HECTD4: variants seen among roughly 807,000 people sequenced by gnomAD.
HECTD4 encodes probable E3 ubiquitin-protein ligase HECTD4.
A neutral mutation model predicts 471.5 loss-of-function variants in HECTD4; 114 were observed. The observed-to-expected ratio is 0.24, with a 90% CI of 0.21 to 0.28. The LOEUF is 0.28. Ranked by LOEUF, HECTD4 falls within the 10% of genes least tolerant of loss-of-function variation. HECTD4 has a pLI of 1.00. For missense variants in HECTD4, 3,866 were observed against 5,651.5 expected, an observed-to-expected ratio of 0.68 and a Z score of 10.13; for synonymous variants, 2,012 against 2,256.0, an observed-to-expected ratio of 0.89 and a Z score of 3.07.
At position 112,382,167 on chromosome 12, in the gene HECTD4, C is replaced by G. The variant is rs2036907827; in HGVS notation, c.-39G>C. The G allele has an allele frequency of 7.4e-6, 9 of 1,212,722 alleles. No homozygotes were observed. In the Admixed American group the frequency reaches 1.7e-4, roughly 24 times the overall value. 75.1% of individuals were successfully genotyped at this position (1,212,722 alleles called of 1,614,324 possible). A position where few individuals can be genotyped will look rare whatever the true frequency, so the allele number is the denominator to read the frequency against. On this transcript the variant is annotated 5_prime_UTR_variant, in exon 1 of 76. Transcript: ENST00000682272. ...GGCTTGGCGCTGAGGAGCAGACGCC[C>G]GGCCGGGGGAAACGGAGCAGGAGCC...
Position 112,382,396 on chromosome 12 carries a change from C to G in HECTD4, c.-268G>C. 3.0e-6 allele frequency: 1 copy of G among 331,164 alleles called. No homozygotes were observed. Among genetic ancestry groups the G allele is most frequent in the South Asian group, 5.7e-5 (1 of 17,606 alleles). 20.5% of individuals were successfully genotyped at this position (331,164 alleles called of 1,614,324 possible). On this transcript the variant is annotated 5_prime_UTR_variant, in exon 1 of 76. Transcript: ENST00000682272. ...GGATCCGCCTCTGCCGCTCGGCAAC[C>G]AACTGTCAGTGAGACGCCATGTTGG...
chr12:112,346,971 C>T (rs2036163009), intron 1 of HECTD4, among the ~76,000 whole-genome samples: 1 of 152,074 alleles, frequency 6.6e-6, no homozygotes, highest in African/African-American at 2.4e-5. Flanking sequence ...ATTCATGTCC[C>T]TCCTAAAGGT....
rs201448504 is a variant in HECTD4, at chr12:112,181,167, C to CAA, written c.10988-1772_10988-1771dup. ...TGGGTGACAGAGTGAGACTCCATCT[C>CAA]AAAAAAAAAAAAATTAACGTAAAAA... On this transcript the variant is annotated intron_variant, in intron 62 of 75. Coordinates refer to ENST00000682272, the MANE Select transcript of HECTD4 (RefSeq NM_001388303.1). 5.5e-5 allele frequency among the ~76,000 whole-genome samples: 7 copies of CAA among 127,822 alleles called. No homozygotes were observed. In the East Asian group the frequency reaches 1.3e-3, roughly 23 times the overall value. The allele number at this position is 127,822 out of a possible 152,430, so 83.9% of individuals were successfully genotyped here. A position where few individuals can be genotyped will look rare whatever the true frequency, so the allele number is the denominator to read the frequency against.
In HECTD4 at chr12:112,200,884, C is replaced by CGTGT. The variant is rs3835014; in HGVS notation, c.8407-90_8407-87dup. The CGTGT allele has an allele frequency of 6.6e-3, 4,604 of 697,122 alleles. 4 individuals are homozygous for CGTGT. In the East Asian group the frequency reaches 0.12, roughly 18 times the overall value. 43.2% of individuals were successfully genotyped at this position (697,122 alleles called of 1,614,324 possible). A position where few individuals can be genotyped will look rare whatever the true frequency, so the allele number is the denominator to read the frequency against. ...GCGTGCGTGTGTGTGTGCGTGCGTG[C>CGTGT]GTGTGTGTGTGTGTGTGTGTGTGTG... On this transcript the variant is annotated intron_variant, in intron 54 of 75. Transcript: ENST00000682272.
Position 112,195,067 on chromosome 12 carries a change from C to A in HECTD4, c.8568-1G>T. 1.3e-6 allele frequency: 2 copies of A among 1,591,078 alleles called. No homozygotes were observed. Among genetic ancestry groups the A allele is most frequent in the East Asian group, 2.3e-5 (1 of 43,702 alleles). On this transcript the variant is annotated splice_acceptor_variant, in intron 55 of 75. Coordinates refer to ENST00000682272, the MANE Select transcript of HECTD4 (RefSeq NM_001388303.1). LOFTEE classifies it high-confidence loss of function. ...CGCAGCCTCGCAGCGCAGCAGCTCC[C>A]TGCAAGGGAAAAGGTGGGTGAGATA... is the stretch of plus-strand genomic sequence containing the variant.
chr12:112,300,828 T>C (rs947805674), intron 7 of HECTD4, among the ~76,000 whole-genome samples: 3 of 152,056 alleles, frequency 2.0e-5, no homozygotes, highest in Non-Finnish European at 4.4e-5. Flanking sequence ...TTGAACTTCT[T>C]GGCCCTACTA....
At chr12:112,199,980 C>G (rs2032369124) in intron 55 of HECTD4, among the ~76,000 whole-genome samples, 1 of 152,212 alleles carries the variant, frequency 6.6e-6, no homozygotes, top group Admixed American at 6.5e-5. Context: ...CACTAGAACT[C>G]CAGATACGCT....
intron 64 of HECTD4, among the ~76,000 whole-genome samples, chr12:112,177,911 G>A (rs187639078): frequency 3.9e-5 from 6 of 152,294 alleles, no homozygotes; most frequent in East Asian, 1.9e-4. Context: ...AGAATGGTCC[G>A]GAGGAAGAGT....
intron 1 of HECTD4, among the ~76,000 whole-genome samples, chr12:112,366,903 AAAAG>A (rs1218816387): frequency 6.6e-6 from 1 of 151,142 alleles, no homozygotes; most frequent in African/African-American, 2.4e-5. Flanking sequence ...AAAAGAAAGA[AAAAG>A]AAAAAGAAAA....
At position 112,259,187 on chromosome 12, in the gene HECTD4, A is replaced by G; in HGVS notation, c.2952T>C (p.His984=). The G allele has an allele frequency of 6.2e-7, 1 of 1,613,938 alleles. No homozygotes were observed. Among genetic ancestry groups the G allele is most frequent in the Non-Finnish European group, 8.5e-7 (1 of 1,179,846 alleles). Residue 984 remains histidine (H), a synonymous_variant, in exon 19 of 76, where the codon CAT becomes CAC. Transcript: ENST00000682272. The part of the protein sequence containing the change: ...LLPVLLTSLM[H]PNLQTLIMAD... ...CCATGATCAGAGTCTGTAAATTTGG[A>G]TGCATCAAGGAGGTCAGTAACACTG...
chr12:112,192,716 C>T lies in HECTD4; in HGVS notation c.9136G>A (p.Gly3046Ser), dbSNP rs368528530. 17 of 1,598,872 alleles carry T rather than the reference C, an allele frequency of 1.1e-5. No individual in the cohort carries two copies. The highest frequency in any genetic ancestry group is 2.3e-5 in the East Asian group (1 of 44,272). ...TGGCCATTTCGCTTCACTTTGTGGC[C>T]GAGGCCATATACGAGCACCCGTGCC... is the stretch of plus-strand genomic sequence containing the variant. ...PWARVLVYGL[G>S]HKVKRNGQLN... Residue 3046 changes from glycine (G) to serine (S), a missense_variant, in exon 59 of 76, where the codon GGC (glycine) becomes AGC (serine). By Grantham distance (56) the Gly-to-Ser change is moderately conservative. Transcript: ENST00000682272.
At chr12:112,291,307 C>T (rs2034880528) in intron 7 of HECTD4, among the ~76,000 whole-genome samples, 2 of 152,178 alleles carry the variant, frequency 1.3e-5, no homozygotes, top group African/African-American at 4.8e-5. Flanking sequence ...TTCACCCCCA[C>T]ATATTTCAGT....
At chr12:112,379,948 G>A (rs1416196890) in intron 1 of HECTD4, among the ~76,000 whole-genome samples, 1 of 151,536 alleles carries the variant, frequency 6.6e-6, no homozygotes, top group Non-Finnish European at 1.5e-5. Context: ...AAATCTAGCA[G>A]GCCAGAGAGG....
intron 32 of HECTD4, among the ~76,000 whole-genome samples, chr12:112,240,434 T>TTTTTC (rs201162432): frequency 1.1e-4 from 17 of 152,090 alleles, no homozygotes; most frequent in African/African-American, 2.2e-4. Context: ...CTGTAAGTGC[T>TTTTTC]TTTTCTTTTC....
intron 1 of HECTD4, among the ~76,000 whole-genome samples, chr12:112,334,459 C>T (rs1428041429): frequency 1.3e-5 from 2 of 151,558 alleles, no homozygotes; most frequent in Admixed American, 6.6e-5. Flanking sequence ...CAGGGAAATG[C>T]AAATCAAAAC....
chr12:112,224,825 C>A (rs943907125), intron 44 of HECTD4, among the ~76,000 whole-genome samples: 1 of 152,168 alleles, frequency 6.6e-6, no homozygotes, highest in Non-Finnish European at 1.5e-5. Flanking sequence ...ATTAAGACCT[C>A]TTTATTCTAT....
chr12:112,317,009 T>G (rs1202528814), intron 2 of HECTD4, among the ~76,000 whole-genome samples: 1 of 152,244 alleles, frequency 6.6e-6, no homozygotes, highest in African/African-American at 2.4e-5. Flanking sequence ...GTGAGTTTTA[T>G]GAACCAACAA....
intron 8 of HECTD4, 62 bp downstream of exon 8, chr12:112,283,048 A>T: frequency 7.3e-7 from 1 of 1,377,460 alleles, no homozygotes. Flanking sequence ...GAAGTGCTCA[A>T]TAAGACGTAG....
chr12:112,236,808 A>AT, intron 35 of HECTD4, 137 bp downstream of exon 35: 2 of 734,550 alleles, frequency 2.7e-6, no homozygotes, highest in Non-Finnish European at 4.0e-6. Flanking sequence ...ATCCTCCATT[A>AT]TTTTTTTGAG....
Sources: gnomAD v4.1 joint callset for allele counts (sites outside exome capture counted in the v4.1 genomes callset) on GRCh38, gnomAD v4.1.1 for gene constraint, MANE v1.5 for transcripts, NCBI Gene and HGNC (gene_info 2026-07-23, HGNC 2026-07-21) for gene names.